ME1: variants seen among roughly 807,000 people sequenced by gnomAD.
ME1 encodes NADP-dependent malic enzyme.
Under a neutral mutation model 66.4 loss-of-function variants are expected in ME1, and 74 were observed. That is an observed-to-expected ratio of 1.11 (90% CI 0.92 to 1.35). The LOEUF is 1.35. ME1 is among the 40% of genes most tolerant of loss of function. ME1 has a pLI of 0.00. For synonymous variants in ME1, 251 were observed against 235.6 expected (o/e 1.07, Z -0.60); for missense variants, 750 against 694.1 (o/e 1.08, Z -0.90).
At chr6:83,290,842 T>A (rs1170706129) in intron 6 of ME1, among the ~76,000 whole-genome samples, 2 of 152,230 alleles carry the variant, frequency 1.3e-5, no homozygotes, top group African/African-American at 4.8e-5. Context: ...TAGTTAGCTC[T>A]TCTTGTTGAA....
intron 5 of ME1, among the ~76,000 whole-genome samples, chr6:83,343,720 T>C (rs1278759767): frequency 6.6e-6 from 1 of 152,142 alleles, no homozygotes; most frequent in Non-Finnish European, 1.5e-5. Flanking sequence ...AGTAAGATAC[T>C]GGATAGAAAT....
chr6:83,416,269 T>C (rs1259224770), intron 1 of ME1, among the ~76,000 whole-genome samples: 1 of 152,222 alleles, frequency 6.6e-6, no homozygotes, highest in African/African-American at 2.4e-5. Flanking sequence ...TAAAGTGTTA[T>C]ATAAATGCTT....
intron 2 of ME1, among the ~76,000 whole-genome samples, chr6:83,401,085 T>C (rs1769829003): frequency 6.6e-6 from 1 of 152,176 alleles, no homozygotes; most frequent in African/African-American, 2.4e-5. Flanking sequence ...CTGCTCTACC[T>C]TTATTTCCCC....
At chr6:83,273,803 A>C (rs1171769326) in intron 6 of ME1, among the ~76,000 whole-genome samples, 2 of 152,188 alleles carry the variant, frequency 1.3e-5, no homozygotes, top group African/African-American at 4.8e-5. Flanking sequence ...GCTTCAGTTA[A>C]GTCTTATTCT....
chr6:83,241,129 G>A (rs1296253315), intron 7 of ME1, among the ~76,000 whole-genome samples: 3 of 152,100 alleles, frequency 2.0e-5, no homozygotes, highest in African/African-American at 7.2e-5. Flanking sequence ...ATTCACTAGA[G>A]TCATTAAACA....
chr6:83,360,231 C>T (rs1768982294), intron 3 of ME1, among the ~76,000 whole-genome samples: 1 of 152,152 alleles, frequency 6.6e-6, no homozygotes, highest in South Asian at 2.1e-4. Context: ...ACAATTTATG[C>T]AGTGAATCTT....
rs371810364 is a variant in ME1, at chr6:83,430,300, G to GC, written c.78+576dup. 1.4e-3 allele frequency among the ~76,000 whole-genome samples: 220 copies of GC among 152,304 alleles called. 1 individual carries two copies. Among genetic ancestry groups the GC allele is most frequent in the African/African-American group, 5.0e-3 (208 of 41,566 alleles). ...GCCATGCAAAGTGTCCAAGACAGAG[G>GC]CCACCCACCACGCATTCCCAGACTC... On this transcript the variant is annotated intron_variant, in intron 1 of 13. Transcript: ENST00000369705.
At chr6:83,398,334 C>T (rs920967484) in intron 3 of ME1, 33 bp downstream of exon 3, 7 of 1,467,604 alleles carry the variant, frequency 4.8e-6, no homozygotes, top group Non-Finnish European at 6.4e-6. Flanking sequence ...TAAATAAAGA[C>T]ACAAGTTGCA....
intron 7 of ME1, among the ~76,000 whole-genome samples, chr6:83,251,436 G>T (rs982992631): frequency 5.3e-5 from 8 of 152,000 alleles, no homozygotes; most frequent in Non-Finnish European, 1.5e-5. Flanking sequence ...AGAGGTTGCA[G>T]TGAGCCAAGA....
At chr6:83,351,101 A>G (rs1016205231) in intron 4 of ME1, among the ~76,000 whole-genome samples, 2 of 152,054 alleles carry the variant, frequency 1.3e-5, no homozygotes, top group African/African-American at 2.4e-5. Flanking sequence ...AATGTCTCAA[A>G]TAGGAAAGAT....
At chr6:83,315,845 C>A (rs917444495) in intron 5 of ME1, among the ~76,000 whole-genome samples, 3 of 151,978 alleles carry the variant, frequency 2.0e-5, no homozygotes, top group Admixed American at 1.3e-4. Context: ...TGCAGTGAAC[C>A]AAGATCGCAC....
At chr6:83,269,410 C>T (rs1004198746) in intron 6 of ME1, among the ~76,000 whole-genome samples, 2 of 151,936 alleles carry the variant, frequency 1.3e-5, no homozygotes, top group Non-Finnish European at 2.9e-5. Context: ...TAAAGTACAC[C>T]ATATTTGGAT....
chr6:83,332,280 A>G (rs1768429364), intron 5 of ME1, among the ~76,000 whole-genome samples: 1 of 152,232 alleles, frequency 6.6e-6, no homozygotes, highest in South Asian at 2.1e-4. Context: ...CATGTGGTGA[A>G]AAGGGAAAAC....
intron 5 of ME1, among the ~76,000 whole-genome samples, chr6:83,317,439 G>A (rs1173348717): frequency 2.0e-5 from 3 of 151,586 alleles, no homozygotes; most frequent in African/African-American, 4.8e-5. Flanking sequence ...GTGAATGGGA[G>A]TTCACTCATG....
intron 5 of ME1, among the ~76,000 whole-genome samples, chr6:83,316,176 T>C (rs1768025923): frequency 6.6e-6 from 1 of 152,222 alleles, no homozygotes; most frequent in African/African-American, 2.4e-5. Flanking sequence ...TTTACTATGA[T>C]AGTTAACAGA....
chr6:83,405,366 G>GC (rs1769919724), intron 2 of ME1, among the ~76,000 whole-genome samples: 1 of 152,190 alleles, frequency 6.6e-6, no homozygotes, highest in African/African-American at 2.4e-5. Flanking sequence ...GATATCCTGA[G>GC]ACTTTGCTGA....
intron 6 of ME1, among the ~76,000 whole-genome samples, chr6:83,270,138 G>GT (rs1383952789): frequency 6.6e-6 from 1 of 152,062 alleles, no homozygotes; most frequent in Non-Finnish European, 1.5e-5. Flanking sequence ...CTGTACTCGT[G>GT]TAAGTAAAAT....
At chr6:83,255,886 G>A (rs897467369) in intron 6 of ME1, among the ~76,000 whole-genome samples, 60 of 152,154 alleles carry the variant, frequency 3.9e-4, no homozygotes, top group African/African-American at 1.4e-3. Flanking sequence ...CAGGCACACA[G>A]GTATACCACA....
Position 83,239,511 on chromosome 6 carries a change from G to T in ME1, c.912+28C>A, listed in dbSNP as rs764441041. ...ACACTAATTATATGTTAGTTTAGGA[G>T]AACATAAGTATTACACAAGGCAAAT... On this transcript the variant is annotated intron_variant, in intron 8 of 13. Transcript: ENST00000369705. 3.5e-6 allele frequency: 5 copies of T among 1,448,666 alleles called. No individual in the cohort carries two copies. The African/African-American group carries it at 5.6e-5, about 16-fold the overall frequency. The allele number at this position is 1,448,666 out of a possible 1,614,324, so 89.7% of individuals were successfully genotyped here. A position where few individuals can be genotyped will look rare whatever the true frequency, so the allele number is the denominator to read the frequency against.
Sources: allele counts gnomAD v4.1 joint callset (sites outside exome capture counted in the v4.1 genomes callset), GRCh38; gene constraint gnomAD v4.1.1; transcripts MANE v1.5; gene names NCBI Gene and HGNC (gene_info 2026-07-23, HGNC 2026-07-21).